Variants in CACNA1E observed in about 807,000 individuals in gnomAD.
The protein encoded by CACNA1E is voltage-dependent R-type calcium channel subunit alpha-1E.
In CACNA1E, 40 loss-of-function variants were observed where a neutral mutation model predicts 259.2. The observed-to-expected ratio is 0.15, with a 90% CI of 0.12 to 0.20. CACNA1E has a LOEUF of 0.20. CACNA1E is among the 10% of genes least tolerant of loss of function. CACNA1E has a pLI of 1.00. For missense variants in CACNA1E, 1,874 were observed against 3,040.1 expected, an observed-to-expected ratio of 0.62 and a Z score of 9.02; for synonymous variants, 1,104 against 1,138.5, an observed-to-expected ratio of 0.97 and a Z score of 0.61.
chr1:181,630,628 C>A (rs944434805), intron 6 of CACNA1E, among the ~76,000 whole-genome samples: 1 of 151,902 alleles, frequency 6.6e-6, no homozygotes, highest in South Asian at 2.1e-4. Context: ...TGAACACCAC[C>A]TATGCTTGGA....
chr1:181,550,317 T>C (rs999482563), intron 3 of CACNA1E, among the ~76,000 whole-genome samples: 1 of 151,778 alleles, frequency 6.6e-6, no homozygotes, highest in African/African-American at 2.4e-5. Context: ...GCTTTGGCGG[T>C]TGGGTGTGTC....
chr1:181,750,017 A>C (rs1248253354), intron 25 of CACNA1E, among the ~76,000 whole-genome samples: 1 of 152,274 alleles, frequency 6.6e-6, no homozygotes, highest in Non-Finnish European at 1.5e-5. Flanking sequence ...AGTGTGTGAG[A>C]GAATTTCTGG....
chr1:181,785,259 CCTCA>C, intron 41 of CACNA1E, 55 bp from the exon 42 acceptor site: 1 of 960,750 alleles, frequency 1.0e-6, no homozygotes, highest in South Asian at 1.4e-5. Context: ...CTTAGAGGTT[CCTCA>C]CTCTCTCCCA....
chr1:181,509,969 G>A (rs1572057757), intron 1 of CACNA1E, among the ~76,000 whole-genome samples: 1 of 152,358 alleles, frequency 6.6e-6, no homozygotes, highest in East Asian at 1.9e-4. Context: ...ACTCAGTGGT[G>A]CAGAGATTCT....
upstream of CACNA1E, among the ~76,000 whole-genome samples, chr1:181,480,272 C>G (rs1255500242): frequency 2.0e-5 from 3 of 152,314 alleles, no homozygotes; most frequent in East Asian, 5.8e-4. Flanking sequence ...TTCCTGCTAG[C>G]ACTGCTGCCC....
intron 27 of CACNA1E, among the ~76,000 whole-genome samples, chr1:181,752,827 T>C (rs1038987728): frequency 6.6e-6 from 1 of 152,220 alleles, no homozygotes; most frequent in South Asian, 2.1e-4. Context: ...TTACTAGGTA[T>C]CTTACCCAGA....
chr1:181,752,359 C>T (rs1657671825), intron 27 of CACNA1E, 120 bp downstream of exon 27: 2 of 731,050 alleles, frequency 2.7e-6, no homozygotes, highest in Middle Eastern at 2.7e-4. Flanking sequence ...ACACGGATAT[C>T]GAAGTTCTTT....
At chr1:181,550,336 T>G (rs544592747) in intron 3 of CACNA1E, among the ~76,000 whole-genome samples, 1 of 152,296 alleles carries the variant, frequency 6.6e-6, no homozygotes, top group African/African-American at 2.4e-5. Context: ...TCTTTTGGAC[T>G]GGGTGTGGTG....
rs1006250774 is a variant in CACNA1E at position 181,485,664 on chromosome 1, C to T, written c.266+1654C>T. Among the ~76,000 whole-genome samples, 4 of 152,200 alleles carry T rather than the reference C, an allele frequency of 2.6e-5. No homozygotes were observed. Among genetic ancestry groups the T allele is most frequent in the Non-Finnish European group, 4.4e-5 (3 of 68,036 alleles). The stretch of plus-strand genomic sequence containing the variant: ...ACGCCTGCCGGTGCGCTGCACAAAG[C>T]GGACAGATCTCATTGTGTTGTGTGC... On this transcript the variant is annotated intron_variant, in intron 1 of 47. Transcript: ENST00000367573. The surrounding 1 kb of genome is among the most constrained non-coding windows in gnomAD (Gnocchi z 4.2).
At chr1:181,356,129 A>G (rs1653416658) in intron 1 of CACNA1E, among the ~76,000 whole-genome samples, 1 of 152,224 alleles carries the variant, frequency 6.6e-6, no homozygotes, top group Non-Finnish European at 1.5e-5. Flanking sequence ...CTGCAGTAGC[A>G]GACATGAAAA....
intron 3 of CACNA1E, among the ~76,000 whole-genome samples, chr1:181,516,343 CCACACA>C (rs3080529): frequency 0.11 from 15,870 of 143,308 alleles, 956 homozygotes; most frequent in East Asian, 0.21. Flanking sequence ...GTGCCAAAGA[CCACACA>C]CACACACACA....
At chr1:181,364,680 T>C (rs1280517270) in intron 1 of CACNA1E, among the ~76,000 whole-genome samples, 6 of 152,164 alleles carry the variant, frequency 3.9e-5, no homozygotes, top group Non-Finnish European at 8.8e-5. Flanking sequence ...GTAGTTGATG[T>C]AGTGGCATGG....
In CACNA1E at chr1:181,328,151, G is replaced by A. The variant is rs74127723; in HGVS notation, c.-15+10028G>A. ...AAATTTGATGTTCACAGTTCTGGAG[G>A]CTGGGAAGTCTGATATCAAGGTGCT... is the stretch of plus-strand genomic sequence containing the variant. On this transcript the variant is annotated intron_variant, in intron 1 of 11. Transcript: ENST00000524607. 9.5e-3 allele frequency among the ~76,000 whole-genome samples: 1,442 copies of A among 152,296 alleles called. 29 individuals carry two copies. The highest frequency in any genetic ancestry group is 0.033 in the African/African-American group (1,382 of 41,568).
intron 1 of CACNA1E, among the ~76,000 whole-genome samples, chr1:181,406,398 C>CT (rs940808870): frequency 3.3e-5 from 5 of 151,726 alleles, no homozygotes; most frequent in East Asian, 1.9e-4. Context: ...ATCTACCTTT[C>CT]TTTTTTTTCT....
intron 1 of CACNA1E, among the ~76,000 whole-genome samples, chr1:181,486,481 C>T (rs552947051): frequency 1.3e-5 from 2 of 152,350 alleles, no homozygotes; most frequent in African/African-American, 4.8e-5. Context: ...GTCTCACCTT[C>T]CTTTCCTTTC....
At chr1:181,751,752 C>T (rs1042741205) in intron 26 of CACNA1E, among the ~76,000 whole-genome samples, 2 of 152,188 alleles carry the variant, frequency 1.3e-5, no homozygotes, top group Non-Finnish European at 2.9e-5. Context: ...CTACTGCTCA[C>T]GTTCCCTAGT....
chr1:181,682,248 G>T (rs1028434101), intron 7 of CACNA1E, among the ~76,000 whole-genome samples: 7 of 152,194 alleles, frequency 4.6e-5, no homozygotes, highest in African/African-American at 1.7e-4. Flanking sequence ...GACTTTGTCA[G>T]ATTTTTCTTA....
intron 8 of CACNA1E, among the ~76,000 whole-genome samples, chr1:181,714,026 C>G (rs986857668): frequency 3.3e-5 from 5 of 152,200 alleles, no homozygotes; most frequent in African/African-American, 1.2e-4. Context: ...CTAACACCAA[C>G]TAGGTGTTCA....
chr1:181,694,970 A>G (rs1255240205), intron 7 of CACNA1E, among the ~76,000 whole-genome samples: 1 of 152,224 alleles, frequency 6.6e-6, no homozygotes, highest in Admixed American at 6.6e-5. Context: ...ATGTATTTTG[A>G]AAATCTAACA....
Sources: allele counts gnomAD v4.1 joint callset (sites outside exome capture counted in the v4.1 genomes callset), GRCh38; gene constraint gnomAD v4.1.1; non-coding constraint Gnocchi (gnomAD v3.1); transcripts MANE v1.5; gene names NCBI Gene and HGNC (gene_info 2026-07-23, HGNC 2026-07-21).